Variants in AVL9 observed in about 807,000 individuals in gnomAD.
AVL9 encodes AVL9 cell migration associated, also known as late secretory pathway protein AVL9 homolog.
A neutral mutation model predicts 79.2 loss-of-function variants in AVL9; 49 were observed. The observed-to-expected ratio is 0.62, with a 90% CI of 0.49 to 0.79. The LOEUF is 0.79. Ranked by LOEUF, AVL9 falls within the 30% of genes least tolerant of loss-of-function variation. The pLI, the probability that AVL9 is intolerant of heterozygous loss-of-function variation, is 0.00. For synonymous variants in AVL9, 299 were observed against 280.6 expected (o/e 1.07, Z -0.65); for missense variants, 682 against 776.8 (o/e 0.88, Z 1.45).
At chr7:32,574,705 A>G (rs1199383472) in intron 12 of AVL9, among the ~76,000 whole-genome samples, 1 of 22,808 alleles carries the variant, frequency 4.4e-5, no homozygotes, top group Non-Finnish European at 9.0e-5. Flanking sequence ...AGAAGAGAAA[A>G]TGAAGCTCAC....
At chr7:32,536,565 A>C (rs1788919573) in intron 1 of AVL9, 1 of 152,126 alleles carries the variant, frequency 6.6e-6, no homozygotes, top group Admixed American at 6.6e-5. Context: ...AATCTCTGAT[A>C]ATTAGGGATT....
chr7:32,566,180 A>ATGTTTTTTTTTTTTTTTTT (rs70992731), intron 10 of AVL9, among the ~76,000 whole-genome samples: 1 of 93,878 alleles, frequency 1.1e-5, no homozygotes, highest in African/African-American at 4.2e-5. Context: ...TATTATTATT[A>ATGTTTTTTTTTTTTTTTTT]TTTTTTTTTT....
rs1291510064 is a variant in AVL9 at position 32,586,306 on chromosome 7, CT to C, written c.*2402del. 1 of 152,134 alleles carries C rather than the reference CT, an allele frequency of 6.6e-6. No individual in the cohort carries two copies. Among genetic ancestry groups the C allele is most frequent in the African/African-American group, 2.4e-5 (1 of 41,430 alleles). 9.4% of individuals were successfully genotyped at this position (152,134 alleles called of 1,614,324 possible). Reference sequence around the variant, plus strand: ...AAAACAAGTATCTCAGAAGATACAACTTTCATCATAGAAATGGTCAAAAGAC... The same window carrying C: ...AAAACAAGTATCTCAGAAGATACAACTTCATCATAGAAATGGTCAAAAGAC... On this transcript the variant is annotated 3_prime_UTR_variant, in exon 16 of 16. Coordinates refer to ENST00000318709, the MANE Select transcript of AVL9 (RefSeq NM_015060.3).
intron 1 of AVL9, chr7:32,536,144 G>A (rs376711179): frequency 6.1e-4 from 92 of 152,052 alleles, no homozygotes; most frequent in African/African-American, 2.1e-3. Context: ...ATTGGTTTTC[G>A]TCTGTGGTTT....
intron 1 of AVL9, among the ~76,000 whole-genome samples, chr7:32,496,363 C>G (rs748171156): frequency 3.9e-5 from 6 of 152,210 alleles, no homozygotes; most frequent in African/African-American, 1.4e-4. Flanking sequence ...CTCCCCCTTC[C>G]CATTGGTCCT....
chr7:32,547,438 C>T (rs1211110625), intron 3 of AVL9, among the ~76,000 whole-genome samples: 2 of 152,130 alleles, frequency 1.3e-5, no homozygotes, highest in African/African-American at 4.8e-5. Flanking sequence ...AGCTGCTGTC[C>T]GTTCTTGGAA....
rs1299679626 is a variant in AVL9 at position 32,583,919 on chromosome 7, G to A, written c.*12G>A. On this transcript the variant is annotated 3_prime_UTR_variant, in exon 16 of 16. Transcript: ENST00000318709. ...ATGAGAAGCCTTGAGCAAGGCGTCAGAGGCTGCTATTGCTTTCTGAGGTTT... is the reference window on the plus strand; with the variant it reads ...ATGAGAAGCCTTGAGCAAGGCGTCAAAGGCTGCTATTGCTTTCTGAGGTTT... 1.3e-6 allele frequency: 2 copies of A among 1,593,724 alleles called. No homozygotes were observed. Among genetic ancestry groups the A allele is most frequent in the Non-Finnish European group, 1.7e-6 (2 of 1,161,724 alleles).
In AVL9 at chr7:32,495,814, G is replaced by A; in HGVS notation, c.93+12G>A. ...AGAAGGGCTGCCAGGTGAGGAAAGGGCCCGCCCCCGCCCCCAGCCGTTCGG... is the reference window on the plus strand; with the variant it reads ...AGAAGGGCTGCCAGGTGAGGAAAGGACCCGCCCCCGCCCCCAGCCGTTCGG... On this transcript the variant is annotated intron_variant, in intron 1 of 15. Coordinates refer to ENST00000318709, the MANE Select transcript of AVL9 (RefSeq NM_015060.3). The A allele has an allele frequency of 2.4e-6, 3 of 1,254,400 alleles. No individual in the cohort carries two copies. Among genetic ancestry groups the A allele is most frequent in the South Asian group, 3.6e-5 (1 of 27,640 alleles). 77.7% of individuals were successfully genotyped at this position (1,254,400 alleles called of 1,614,324 possible).
At chr7:32,543,357 G>A in intron 2 of AVL9, 96 bp downstream of exon 2, 1 of 1,414,348 alleles carries the variant, frequency 7.1e-7, no homozygotes, top group Admixed American at 2.2e-5. Context: ...AAGGCCTTCA[G>A]CCTGTTAGAA....
chr7:32,568,620 A>G (rs750696205), intron 10 of AVL9, among the ~76,000 whole-genome samples: 4 of 152,144 alleles, frequency 2.6e-5, no homozygotes, highest in Non-Finnish European at 5.9e-5. Context: ...TTGGTATTGC[A>G]TTTATTTTCA....
chr7:32,587,713 G>A lies in AVL9; in HGVS notation c.*3806G>A, dbSNP rs1354436882. On this transcript the variant is annotated 3_prime_UTR_variant, in exon 16 of 16. Coordinates refer to ENST00000318709, the MANE Select transcript of AVL9 (RefSeq NM_015060.3). ...GTAGCCTTTAAAAGTGGTAGAAGAT[G>A]CTGCCCTAATTCCCCGAGGATGATT... The A allele has an allele frequency of 1.3e-5, 2 of 152,184 alleles. No individual in the cohort carries two copies. Among genetic ancestry groups the A allele is most frequent in the Non-Finnish European group, 2.9e-5 (2 of 68,036 alleles). The allele number at this position is 152,184 out of a possible 1,614,324, so 9.4% of individuals were successfully genotyped here. A position where few individuals can be genotyped will look rare whatever the true frequency, so the allele number is the denominator to read the frequency against.
At chr7:32,576,376 G>A (rs1791099318) in intron 13 of AVL9, among the ~76,000 whole-genome samples, 1 of 152,154 alleles carries the variant, frequency 6.6e-6, no homozygotes, top group South Asian at 2.1e-4. Context: ...CTTTCTCCCT[G>A]GAGCTGTTCT....
At chr7:32,525,036 G>A (rs1299287895) in intron 1 of AVL9, among the ~76,000 whole-genome samples, 1 of 152,150 alleles carries the variant, frequency 6.6e-6, no homozygotes, top group Non-Finnish European at 1.5e-5. Flanking sequence ...ACTGTATGAC[G>A]GGCTGCTAGA....
At chr7:32,523,508 C>CTTTTTTTTTTTTT (rs70992725) in intron 1 of AVL9, among the ~76,000 whole-genome samples, 3 of 79,262 alleles carry the variant, frequency 3.8e-5, no homozygotes, top group African/African-American at 5.1e-5. Context: ...TATAAATTTC[C>CTTTTTTTTTTTTT]TTTTTTTTTT....
intron 1 of AVL9, among the ~76,000 whole-genome samples, chr7:32,540,318 G>T (rs1789120916): frequency 6.6e-6 from 1 of 152,182 alleles, no homozygotes; most frequent in Admixed American, 6.5e-5. Context: ...GTCAAAGGTG[G>T]TAAAAGATAA....
At chr7:32,507,940 C>G (rs1787483258) in intron 1 of AVL9, among the ~76,000 whole-genome samples, 1 of 152,136 alleles carries the variant, frequency 6.6e-6, no homozygotes, top group African/African-American at 2.4e-5. Context: ...GTAGTGTCAT[C>G]TCATTATTGT....
intron 10 of AVL9, among the ~76,000 whole-genome samples, chr7:32,564,775 A>G (rs1467427397): frequency 6.6e-6 from 1 of 152,164 alleles, no homozygotes; most frequent in African/African-American, 2.4e-5. Flanking sequence ...GCTGCTAAGG[A>G]ATAAGAGGCG....
At position 32,573,384 on chromosome 7, in the gene AVL9, C is replaced by T; in HGVS notation, c.1536C>T (p.Tyr512=). 2.5e-6 allele frequency: 4 copies of T among 1,613,802 alleles called. No individual in the cohort carries two copies. Among genetic ancestry groups the T allele is most frequent in the Non-Finnish European group, 3.4e-6 (4 of 1,179,928 alleles). ...DEWIRAQFAV[Y]IHALLAATLQ... ...GGATCCGGGCCCAGTTTGCGGTCTACATTCATGCCCTGCTGGCTGCCACAC... is the reference window on the plus strand; with the variant it reads ...GGATCCGGGCCCAGTTTGCGGTCTATATTCATGCCCTGCTGGCTGCCACAC... Residue 512 remains tyrosine, a synonymous_variant, in exon 12 of 16, where the codon TAC becomes TAT. Transcript: ENST00000318709.
rs1044557495 is a variant in AVL9 at position 32,509,724 on chromosome 7, G to A, written c.93+13922G>A. Among the ~76,000 whole-genome samples, 13 of 152,206 alleles carry A rather than the reference G, an allele frequency of 8.5e-5. No homozygotes were observed. The South Asian group carries it at 1.7e-3, about 19-fold the overall frequency. On this transcript the variant is annotated intron_variant, in intron 1 of 15. Transcript: ENST00000318709. ...AAATTAGCCAGGCGTGGTGGCGGGCGCCTGTAATCCCAGCTACTCGGGAGG... is the reference window on the plus strand; with the variant it reads ...AAATTAGCCAGGCGTGGTGGCGGGCACCTGTAATCCCAGCTACTCGGGAGG...
Sources: allele counts gnomAD v4.1 joint callset (sites outside exome capture counted in the v4.1 genomes callset), GRCh38; gene constraint gnomAD v4.1.1; transcripts MANE v1.5; gene names NCBI Gene and HGNC (gene_info 2026-07-23, HGNC 2026-07-21).